Variants in TNS3 observed in about 807,000 individuals in gnomAD.
The protein encoded by TNS3 is tensin 3, also known as tensin-3.
In TNS3, 45 loss-of-function variants were observed where a neutral mutation model predicts 140.9. The observed-to-expected ratio is 0.32, with a 90% confidence interval of 0.25 to 0.41. The LOEUF is 0.41. Ranked by LOEUF, TNS3 falls within the 10% of genes least tolerant of loss-of-function variation. The probability of loss-of-function intolerance (pLI) is 1.00; values close to 1 mark genes in which losing one functional copy is unlikely to be tolerated. For missense variants in TNS3, 1,716 were observed against 1,906.7 expected (o/e 0.90, Z 1.86); for synonymous variants, 815 against 788.4 (o/e 1.03, Z -0.56).
intron 8 of TNS3, among the ~76,000 whole-genome samples, chr7:47,433,975 C>T (rs983189002): frequency 2.0e-5 from 3 of 151,166 alleles, no homozygotes; most frequent in African/African-American, 7.3e-5. Flanking sequence ...TAAAATAATA[C>T]TTGAAAAGAT....
At chr7:47,340,068 C>T (rs59457874) in intron 20 of TNS3, among the ~76,000 whole-genome samples, 2 of 105,592 alleles carry the variant, frequency 1.9e-5, no homozygotes, top group Admixed American at 1.2e-4. Context: ...TATATACATA[C>T]GAATATATGT....
At position 47,574,994 on chromosome 7, in the gene TNS3, A is replaced by G. The variant is rs145544114; in HGVS notation, c.-265+7057T>C. On this transcript the variant is annotated intron_variant, in intron 1 of 30. Coordinates refer to ENST00000311160, the MANE Select transcript of TNS3 (RefSeq NM_022748.12). ...TGTCGCCTAACTGCCGCAGTTAAACATGATTAAAACGACAAAGTTCATGTT... is the reference window on the plus strand; with the variant it reads ...TGTCGCCTAACTGCCGCAGTTAAACGTGATTAAAACGACAAAGTTCATGTT... Among the ~76,000 whole-genome samples the G allele has an allele frequency of 3.6e-3, 548 of 152,292 alleles. 1 individual carries two copies. Among genetic ancestry groups the G allele is most frequent in the Non-Finnish European group, 5.4e-3 (368 of 68,022 alleles).
At chr7:47,575,129 CTATG>C (rs1798749734) in intron 1 of TNS3, among the ~76,000 whole-genome samples, 1 of 152,152 alleles carries the variant, frequency 6.6e-6, no homozygotes, top group Admixed American at 6.5e-5. Context: ...GCCCAAAGAC[CTATG>C]TGCAAGCATA....
rs1253318334 is a variant in TNS3 at position 47,544,600 on chromosome 7, G to C, written c.-264-15453C>G. ...AGCCCTCACCAGACAATCTGCCAGA[G>C]CCTTGATCTTGGACTTCCAGCCTCC... On this transcript the variant is annotated intron_variant, in intron 1 of 30. Coordinates refer to ENST00000311160, the MANE Select transcript of TNS3 (RefSeq NM_022748.12). 2.0e-5 allele frequency among the ~76,000 whole-genome samples: 3 copies of C among 152,212 alleles called. No homozygotes were observed. In the South Asian group the frequency reaches 6.2e-4, roughly 32 times the overall value.
intron 17 of TNS3, among the ~76,000 whole-genome samples, chr7:47,366,137 T>C (rs1354414075): frequency 6.6e-6 from 1 of 152,232 alleles, no homozygotes; most frequent in Non-Finnish European, 1.5e-5. Context: ...GTAAGTCAGG[T>C]ATGATACTGC....
chr7:47,373,772 T>C (rs1212646711), intron 16 of TNS3, among the ~76,000 whole-genome samples: 1 of 152,220 alleles, frequency 6.6e-6, no homozygotes, highest in Non-Finnish European at 1.5e-5. Flanking sequence ...ACCCGGTGAA[T>C]ATTGAGTGAC....
intron 17 of TNS3, among the ~76,000 whole-genome samples, chr7:47,364,963 A>G (rs1790607854): frequency 6.6e-6 from 1 of 152,186 alleles, no homozygotes; most frequent in Non-Finnish European, 1.5e-5. Context: ...AAAAAAATGG[A>G]CCAATGGCCC....
chr7:47,533,492 G>A (rs1265949253), intron 1 of TNS3, among the ~76,000 whole-genome samples: 1 of 151,306 alleles, frequency 6.6e-6, no homozygotes, highest in African/African-American at 2.4e-5. Context: ...TTAATCAAAG[G>A]GAAGTTGGAG....
At chr7:47,543,611 C>T (rs1799849164) in intron 1 of TNS3, among the ~76,000 whole-genome samples, 1 of 152,222 alleles carries the variant, frequency 6.6e-6, no homozygotes. Context: ...CGGGTGGAAG[C>T]AGGACTTGAA....
intron 4 of TNS3, among the ~76,000 whole-genome samples, chr7:47,474,291 AT>A (rs1460787938): frequency 9.0e-6 from 1 of 111,460 alleles, no homozygotes; most frequent in Admixed American, 7.8e-5. Context: ...ACACACACAC[AT>A]AAACACACAC....
chr7:47,462,471 C>T (rs1271068440), intron 4 of TNS3, among the ~76,000 whole-genome samples: 5 of 152,198 alleles, frequency 3.3e-5, no homozygotes, highest in Non-Finnish European at 5.9e-5. Context: ...CTCGCAGGAC[C>T]CTAACCCTTT....
chr7:47,318,732 T>TG (rs1296616296), intron 20 of TNS3, among the ~76,000 whole-genome samples: 1 of 152,124 alleles, frequency 6.6e-6, no homozygotes, highest in Admixed American at 6.5e-5. Context: ...TGATGGAGAA[T>TG]GGAGGTTACC....
intron 1 of TNS3, among the ~76,000 whole-genome samples, chr7:47,580,440 C>T (rs1286104485): frequency 1.3e-5 from 2 of 152,182 alleles, no homozygotes; most frequent in African/African-American, 4.8e-5. Context: ...TCGGGGTCAC[C>T]ATTACTATTC....
intron 3 of TNS3, among the ~76,000 whole-genome samples, chr7:47,505,013 C>T (rs1798362618): frequency 6.6e-6 from 1 of 152,124 alleles, no homozygotes; most frequent in South Asian, 2.1e-4. Context: ...CTTAAGCAGC[C>T]GGCGACAGGC....
intron 1 of TNS3, among the ~76,000 whole-genome samples, chr7:47,537,895 C>G (rs938408078): frequency 1.3e-5 from 2 of 152,072 alleles, no homozygotes; most frequent in Admixed American, 6.6e-5. Flanking sequence ...AGCACAGGAC[C>G]GCCCGGGGCC....
chr7:47,541,633 C>CT (rs1326722810), intron 1 of TNS3, among the ~76,000 whole-genome samples: 1 of 152,178 alleles, frequency 6.6e-6, no homozygotes, highest in Non-Finnish European at 1.5e-5. Context: ...ATCCAAGACT[C>CT]TTTGAGTCCC....
intron 3 of TNS3, among the ~76,000 whole-genome samples, chr7:47,502,286 C>T (rs962778400): frequency 6.6e-6 from 1 of 152,330 alleles, no homozygotes; most frequent in East Asian, 1.9e-4. Flanking sequence ...GCAGCTGCGG[C>T]TCTTAGCATG....
At chr7:47,578,066 G>A (rs1306139902) in intron 1 of TNS3, among the ~76,000 whole-genome samples, 3 of 150,552 alleles carry the variant, frequency 2.0e-5, no homozygotes, top group Admixed American at 6.6e-5. Context: ...GTAACCCCAC[G>A]CTTTGGGAGG....
intron 20 of TNS3, among the ~76,000 whole-genome samples, chr7:47,330,150 G>A (rs900946913): frequency 6.6e-6 from 1 of 152,098 alleles, no homozygotes; most frequent in Admixed American, 6.5e-5. Flanking sequence ...AGATCCCCGG[G>A]GACGACAGGA....
Sources: gnomAD v4.1 joint callset for allele counts (sites outside exome capture counted in the v4.1 genomes callset) on GRCh38, gnomAD v4.1.1 for gene constraint, MANE v1.5 for transcripts, NCBI Gene and HGNC (gene_info 2026-07-23, HGNC 2026-07-21) for gene names.